Variants in DAGLA observed in about 807,000 individuals in gnomAD.
The protein encoded by DAGLA is diacylglycerol lipase-alpha.
In DAGLA, 22 loss-of-function variants were observed where a neutral mutation model predicts 102.6. The ratio of observed to expected loss-of-function variants is 0.21; its 90% confidence interval spans 0.15 to 0.31. The LOEUF (loss-of-function observed/expected upper bound fraction) is 0.31, where lower values mean the gene tolerates loss of function less well. Ranked by LOEUF, DAGLA falls within the 10% of genes least tolerant of loss-of-function variation. DAGLA has a pLI of 1.00. For synonymous variants in DAGLA, 578 were observed against 628.9 expected (o/e 0.92, Z 1.21); for missense variants, 927 against 1,446.6 (o/e 0.64, Z 5.83).
In DAGLA at chr11:61,686,416, CT is replaced by C. The variant is rs1196140042; in HGVS notation, c.-45+5914del. Among the ~76,000 whole-genome samples the C allele has an allele frequency of 1.3e-5, 2 of 152,202 alleles. No homozygotes were observed. Among genetic ancestry groups the C allele is most frequent in the Non-Finnish European group, 1.5e-5 (1 of 68,026 alleles). ...TGAGGGGGTTCCAGTGTTCACAGCACTTATTTCCAGGCATTTGATCATTTTC... is the reference window on the plus strand; with the variant it reads ...TGAGGGGGTTCCAGTGTTCACAGCACTATTTCCAGGCATTTGATCATTTTC... On this transcript the variant is annotated intron_variant, in intron 1 of 19. Coordinates refer to ENST00000257215, the MANE Select transcript of DAGLA (RefSeq NM_006133.3). This position sits in a 1 kb window ranked among gnomAD's most constrained non-coding sequence, Gnocchi z 5.2.
chr11:61,707,053 A>G (rs945675928), intron 1 of DAGLA, among the ~76,000 whole-genome samples: 7 of 152,166 alleles, frequency 4.6e-5, no homozygotes, highest in Non-Finnish European at 1.0e-4. Context: ...CCCACTGCGG[A>G]TAGTTAGGGG....
chr11:61,699,611 G>A (rs906761398), intron 1 of DAGLA, among the ~76,000 whole-genome samples: 10 of 152,214 alleles, frequency 6.6e-5, no homozygotes, highest in African/African-American at 2.2e-4. Flanking sequence ...GCCTAGGTCC[G>A]CCTCACCCTT....
At chr11:61,698,853 C>T (rs12292799) in intron 1 of DAGLA, among the ~76,000 whole-genome samples, 92 of 152,264 alleles carry the variant, frequency 6.0e-4, no homozygotes, top group African/African-American at 2.0e-3. Flanking sequence ...TGGGGGTTGG[C>T]GGGCCCTGGC....
At chr11:61,712,233 A>C (rs2135572099) in intron 1 of DAGLA, among the ~76,000 whole-genome samples, 1 of 152,216 alleles carries the variant, frequency 6.6e-6, no homozygotes, top group African/African-American at 2.4e-5. Flanking sequence ...TGACTTGGAC[A>C]CTCACTTGCT....
rs369081801 is a variant in DAGLA at position 61,737,540 on chromosome 11, C to T, written c.1515-147C>T. Reference sequence around the variant, plus strand: ...CCAGTGGGAAAGACAGAGCAGGGAGCAGGCAACCCAGCCTGCCACCAGCCA... The same window carrying T: ...CCAGTGGGAAAGACAGAGCAGGGAGTAGGCAACCCAGCCTGCCACCAGCCA... On this transcript the variant is annotated intron_variant, in intron 14 of 19. Coordinates refer to ENST00000257215, the MANE Select transcript of DAGLA (RefSeq NM_006133.3). The T allele has an allele frequency of 6.7e-4, 685 of 1,020,038 alleles. 8 individuals are homozygous for T. The South Asian group carries it at 9.3e-3, about 14-fold the overall frequency. 63.2% of individuals were successfully genotyped at this position (1,020,038 alleles called of 1,614,324 possible).
At chr11:61,700,491 G>T (rs1044727394) in intron 1 of DAGLA, among the ~76,000 whole-genome samples, 11 of 152,186 alleles carry the variant, frequency 7.2e-5, no homozygotes, top group African/African-American at 2.7e-4. Context: ...CCCTCCTGAG[G>T]GTGTGGCCTG....
At chr11:61,729,095 C>A in intron 8 of DAGLA, 87 bp downstream of exon 8, 1 of 1,212,458 alleles carries the variant, frequency 8.2e-7, no homozygotes, top group Non-Finnish European at 1.2e-6. Flanking sequence ...CCCAGCTGCC[C>A]TTGCAGTGCC....
intron 1 of DAGLA, among the ~76,000 whole-genome samples, chr11:61,712,964 CT>C (rs2135572908): frequency 6.6e-6 from 1 of 152,286 alleles, no homozygotes; most frequent in African/African-American, 2.4e-5. Context: ...ACCATTTTGC[CT>C]CTCTGAGCCT....
intron 6 of DAGLA, among the ~76,000 whole-genome samples, chr11:61,727,743 G>T (rs1011315286): frequency 1.3e-5 from 2 of 152,242 alleles, no homozygotes; most frequent in African/African-American, 4.8e-5. Flanking sequence ...CCAGCTGGTG[G>T]GTCAGAGGCA....
chr11:61,731,706 A>G (rs2065376987), intron 9 of DAGLA, among the ~76,000 whole-genome samples: 1 of 152,176 alleles, frequency 6.6e-6, no homozygotes, highest in African/African-American at 2.4e-5. Context: ...CAGTTTCTTT[A>G]TCTGCGAAGT....
intron 1 of DAGLA, among the ~76,000 whole-genome samples, chr11:61,683,919 TC>T (rs1248230184): frequency 6.6e-6 from 1 of 152,144 alleles, no homozygotes; most frequent in African/African-American, 2.4e-5. Flanking sequence ...TCAACTCTGG[TC>T]CCCAGTCATA....
At chr11:61,724,497 C>T (rs2065308546) in intron 5 of DAGLA, among the ~76,000 whole-genome samples, 1 of 152,170 alleles carries the variant, frequency 6.6e-6, no homozygotes, top group African/African-American at 2.4e-5. Flanking sequence ...AGAACTGGCA[C>T]CACACCTGCA....
At chr11:61,709,607 C>T (rs2135569355) in intron 1 of DAGLA, among the ~76,000 whole-genome samples, 1 of 152,274 alleles carries the variant, frequency 6.6e-6, no homozygotes, top group Middle Eastern at 3.4e-3. Context: ...CTGAGATCCC[C>T]CTCATTGAGC....
chr11:61,695,984 T>G (rs1317820917), intron 1 of DAGLA, among the ~76,000 whole-genome samples: 2 of 152,148 alleles, frequency 1.3e-5, no homozygotes, highest in African/African-American at 4.8e-5. Context: ...CCGCTGATGT[T>G]CAAGGGTGAG....
intron 6 of DAGLA, among the ~76,000 whole-genome samples, chr11:61,727,902 G>A (rs1022513555): frequency 6.6e-6 from 1 of 152,214 alleles, no homozygotes; most frequent in Non-Finnish European, 1.5e-5. Flanking sequence ...GGCACCATGC[G>A]AATTCCAAGG....
chr11:61,742,633 C>A (rs2065490548), intron 19 of DAGLA, among the ~76,000 whole-genome samples: 1 of 152,172 alleles, frequency 6.6e-6, no homozygotes, highest in Admixed American at 6.5e-5. Context: ...CAGGAGGAGA[C>A]CCGGATGAGG....
At chr11:61,740,267 C>T (rs756918998) in intron 17 of DAGLA, among the ~76,000 whole-genome samples, 196 bp from the exon 18 acceptor site, 1 of 152,198 alleles carries the variant, frequency 6.6e-6, no homozygotes, top group African/African-American at 2.4e-5. Flanking sequence ...GGCTGAGGCT[C>T]GAGGTCAGCC....
At chr11:61,693,679 C>T (rs74235212) in intron 1 of DAGLA, among the ~76,000 whole-genome samples, 5,357 of 152,304 alleles carry the variant, frequency 0.035, 141 homozygotes, top group Non-Finnish European at 0.052. Context: ...CATAAGTCAG[C>T]GTGTCTGGTC....
intron 1 of DAGLA, among the ~76,000 whole-genome samples, chr11:61,700,843 C>A (rs2065104442): frequency 6.6e-6 from 1 of 152,224 alleles, no homozygotes; most frequent in South Asian, 2.1e-4. Context: ...GATCCTCAGG[C>A]CTTTCACCCT....
Sources: allele counts gnomAD v4.1 joint callset (sites outside exome capture counted in the v4.1 genomes callset), GRCh38; gene constraint gnomAD v4.1.1; non-coding constraint Gnocchi (gnomAD v3.1); transcripts MANE v1.5; gene names NCBI Gene and HGNC (gene_info 2026-07-23, HGNC 2026-07-21).